MDGA2: variants seen among roughly 807,000 people sequenced by gnomAD.
The protein encoded by MDGA2 is MAM domain containing glycosylphosphatidylinositol anchor 2.
A neutral mutation model predicts 117.8 loss-of-function variants in MDGA2; 40 were observed. That is an observed-to-expected ratio of 0.34 (90% CI 0.26 to 0.44). MDGA2 has a LOEUF of 0.44. MDGA2 is among the 20% of genes least tolerant of loss of function. The pLI is 1.00. For synonymous variants in MDGA2, 452 were observed against 439.0 expected, an observed-to-expected ratio of 1.03 and a Z score of -0.37; for missense variants, 1,123 against 1,250.6, an observed-to-expected ratio of 0.90 and a Z score of 1.54.
intron 6 of MDGA2, among the ~76,000 whole-genome samples, chr14:47,069,391 G>A (rs949800464): frequency 2.6e-5 from 4 of 152,062 alleles, no homozygotes; most frequent in Non-Finnish European, 5.9e-5. Flanking sequence ...ATAAATTCAT[G>A]GACTGTTCTC....
intron 6 of MDGA2, among the ~76,000 whole-genome samples, chr14:47,080,316 T>C (rs1890661803): frequency 6.6e-6 from 1 of 152,226 alleles, no homozygotes; most frequent in Admixed American, 6.5e-5. Context: ...TAACAATTTA[T>C]AACGCAAGAT....
chr14:47,236,192 G>A (rs1886853572), intron 2 of MDGA2, among the ~76,000 whole-genome samples: 1 of 150,356 alleles, frequency 6.7e-6, no homozygotes, highest in Admixed American at 6.7e-5. Context: ...TCAGGAGGCT[G>A]AGGCAAGAGA....
intron 1 of MDGA2, among the ~76,000 whole-genome samples, chr14:47,433,592 A>G (rs1892840771): frequency 6.6e-6 from 1 of 152,150 alleles, no homozygotes; most frequent in South Asian, 2.1e-4. Context: ...AGACATTTGA[A>G]AAACTATTCA....
At chr14:46,854,181 T>G (rs1881172347) in intron 15 of MDGA2, among the ~76,000 whole-genome samples, 2 of 151,638 alleles carry the variant, frequency 1.3e-5, no homozygotes, top group African/African-American at 4.8e-5. Context: ...ACATATGCCA[T>G]GAAATGCATA....
chr14:47,270,272 T>C (rs1314891379), intron 2 of MDGA2, among the ~76,000 whole-genome samples: 2 of 152,086 alleles, frequency 1.3e-5, no homozygotes, highest in East Asian at 3.9e-4. Flanking sequence ...CTTTCCAGAG[T>C]ACCAGAATTT....
chr14:47,522,900 T>C (rs1487354049), intron 1 of MDGA2, among the ~76,000 whole-genome samples: 1 of 152,208 alleles, frequency 6.6e-6, no homozygotes, highest in African/African-American at 2.4e-5. Context: ...TTAGCATCTT[T>C]GGAAATAATG....
rs527788992 is a variant in MDGA2 at position 46,929,944 on chromosome 14, T to C, written c.2090-9784A>G. Among the ~76,000 whole-genome samples the C allele has an allele frequency of 5.9e-5, 9 of 151,588 alleles. 1 individual carries two copies. The highest frequency in any genetic ancestry group is 1.9e-4 in the African/African-American group (8 of 41,352). ...AGCCACTGCGCCCGGCCCATGATTATATAATTTGAGAGGGTGACAAATGCA... is the reference window on the plus strand; with the variant it reads ...AGCCACTGCGCCCGGCCCATGATTACATAATTTGAGAGGGTGACAAATGCA... On this transcript the variant is annotated intron_variant, in intron 9 of 16. Transcript: ENST00000399232.
intron 1 of MDGA2, among the ~76,000 whole-genome samples, chr14:47,507,287 G>A (rs534209751): frequency 6.6e-6 from 1 of 152,262 alleles, no homozygotes; most frequent in East Asian, 1.9e-4. Flanking sequence ...GAATAAGGAA[G>A]AGGATTTAGA....
At chr14:47,153,628 A>G (rs898739130) in intron 3 of MDGA2, among the ~76,000 whole-genome samples, 1 of 151,692 alleles carries the variant, frequency 6.6e-6, no homozygotes, top group Non-Finnish European at 1.5e-5. Flanking sequence ...CTCAAGGAAT[A>G]TGCAGAATGG....
At chr14:47,200,534 CTTTTT>C in intron 3 of MDGA2, 2 of 421,016 alleles carry the variant, frequency 4.8e-6, no homozygotes, top group Non-Finnish European at 7.7e-6. Flanking sequence ...TTTTTCTTTT[CTTTTT>C]TTTTTTTTTT....
At chr14:47,542,743 T>C (rs1003777886) in intron 1 of MDGA2, among the ~76,000 whole-genome samples, 2 of 152,198 alleles carry the variant, frequency 1.3e-5, no homozygotes, top group Admixed American at 1.3e-4. Context: ...TAAAAAAATT[T>C]TGACAAAACA....
intron 1 of MDGA2, among the ~76,000 whole-genome samples, chr14:47,385,373 G>A (rs57197047): frequency 6.6e-6 from 1 of 151,620 alleles, no homozygotes; most frequent in African/African-American, 2.4e-5. Flanking sequence ...AAAAATAATT[G>A]AAATATGTGA....
chr14:47,448,631 C>A (rs1893177273), intron 1 of MDGA2, among the ~76,000 whole-genome samples: 1 of 152,128 alleles, frequency 6.6e-6, no homozygotes, highest in African/African-American at 2.4e-5. Flanking sequence ...TTGGACTTCT[C>A]TTTATGAACC....
chr14:47,129,069 C>G (rs147352799), intron 5 of MDGA2, among the ~76,000 whole-genome samples: 1 of 151,230 alleles, frequency 6.6e-6, no homozygotes, highest in Admixed American at 6.6e-5. Flanking sequence ...TTTAACTATA[C>G]GAAATAGAGC....
rs186658283 is a variant in MDGA2, at chr14:46,923,246, C to A, written c.2090-3086G>T. Among the ~76,000 whole-genome samples the A allele has an allele frequency of 3.9e-5, 6 of 152,160 alleles. No individual in the cohort carries two copies. The East Asian group carries it at 9.7e-4, about 24-fold the overall frequency. ...ATTTAATTGCATGCTCTCACAAAGA[C>A]TTTCCAATGTATTTTTTTAAATGCT... On this transcript the variant is annotated intron_variant, in intron 9 of 16. Coordinates refer to ENST00000399232, the MANE Select transcript of MDGA2 (RefSeq NM_001113498.3).
At chr14:47,627,303 C>T (rs1000637103) in intron 1 of MDGA2, among the ~76,000 whole-genome samples, 8 of 152,040 alleles carry the variant, frequency 5.3e-5, no homozygotes, top group Non-Finnish European at 8.8e-5. Context: ...TGTGAATGCA[C>T]CAATCGGCAC....
intron 1 of MDGA2, among the ~76,000 whole-genome samples, chr14:47,391,496 T>C (rs1333593359): frequency 6.6e-6 from 1 of 152,206 alleles, no homozygotes; most frequent in Non-Finnish European, 1.5e-5. Flanking sequence ...ATTAGCACTC[T>C]GTGGATGCCG....
At chr14:47,623,947 G>A (rs530702063) in intron 1 of MDGA2, among the ~76,000 whole-genome samples, 1 of 152,176 alleles carries the variant, frequency 6.6e-6, no homozygotes, top group South Asian at 2.1e-4. Context: ...AACAATGGCC[G>A]ACTTCTTCTG....
intron 8 of MDGA2, among the ~76,000 whole-genome samples, chr14:46,961,695 T>G (rs950776603): frequency 2.0e-5 from 3 of 151,352 alleles, no homozygotes; most frequent in African/African-American, 7.3e-5. Context: ...CAGGCTGGAG[T>G]GCAGTGGCGC....
Sources: gnomAD v4.1 joint callset for allele counts (sites outside exome capture counted in the v4.1 genomes callset) on GRCh38, gnomAD v4.1.1 for gene constraint, MANE v1.5 for transcripts, NCBI Gene and HGNC (gene_info 2026-07-23, HGNC 2026-07-21) for gene names.